FAT3: variants seen among roughly 807,000 people sequenced by gnomAD.
FAT3 encodes the protein FAT atypical cadherin 3.
FAT3 carries 95 observed loss-of-function variants against 310.2 expected under a neutral mutation model. That is an observed-to-expected ratio of 0.31 (90% CI 0.26 to 0.36). The LOEUF is 0.36. Ranked by LOEUF, FAT3 falls within the 10% of genes least tolerant of loss-of-function variation. The pLI is 1.00. For missense variants in FAT3, 5,408 were observed against 5,715.6 expected (o/e 0.95, Z 1.74); for synonymous variants, 2,314 against 2,192.9 (o/e 1.06, Z -1.54).
chr11:92,562,603 A>G (rs537804749), intron 3 of FAT3, among the ~76,000 whole-genome samples: 34 of 152,296 alleles, frequency 2.2e-4, no homozygotes, highest in South Asian at 1.2e-3. Flanking sequence ...ATGATATGCT[A>G]TCTGCAAGCT....
chr11:92,610,925 T>C (rs910228055), intron 3 of FAT3, among the ~76,000 whole-genome samples: 1 of 152,102 alleles, frequency 6.6e-6, no homozygotes, highest in Non-Finnish European at 1.5e-5. Context: ...TGAACCCATT[T>C]AGTGTTTATA....
chr11:92,303,920 AC>A (rs1386411125), intron 1 of FAT3, among the ~76,000 whole-genome samples: 2 of 152,032 alleles, frequency 1.3e-5, no homozygotes, highest in Non-Finnish European at 2.9e-5. Flanking sequence ...TAAGTGCAGA[AC>A]CTTTTTTTCG....
chr11:92,793,283 GC>G (rs1294922871), intron 9 of FAT3, among the ~76,000 whole-genome samples: 1 of 152,086 alleles, frequency 6.6e-6, no homozygotes, highest in African/African-American at 2.4e-5. Context: ...GGACCAACAA[GC>G]CAGGGCCTCA....
At chr11:92,389,891 A>G (rs1379085858) in intron 2 of FAT3, among the ~76,000 whole-genome samples, 1 of 152,104 alleles carries the variant, frequency 6.6e-6, no homozygotes, top group African/African-American at 2.4e-5. Context: ...CGTCTTATGT[A>G]TGGTCTCTGT....
At chr11:92,366,730 C>A (rs534366285) in intron 2 of FAT3, 47 of 535,828 alleles carry the variant, frequency 8.8e-5, no homozygotes, top group Non-Finnish European at 1.3e-4. Flanking sequence ...CCTCCTTGAT[C>A]TGGGGAGCTA....
Position 92,328,728 on chromosome 11 carries a change from T to C in FAT3, c.-17-23368T>C, listed in dbSNP as rs1302880359. 2.0e-5 allele frequency among the ~76,000 whole-genome samples: 3 copies of C among 152,214 alleles called. No individual in the cohort carries two copies. In the East Asian group the frequency reaches 5.8e-4, roughly 29 times the overall value. On this transcript the variant is annotated intron_variant, in intron 1 of 27. Coordinates refer to ENST00000525166, the MANE Select transcript of FAT3 (RefSeq NM_001367949.2). ...CTAAGTTAGATGTAATTCAAATCCA[T>C]GTGCCCTCAGGTTTGCAGCCATAAA...
chr11:92,791,364 C>T (rs147349243), intron 8 of FAT3, among the ~76,000 whole-genome samples: 1 of 152,276 alleles, frequency 6.6e-6, no homozygotes, highest in African/African-American at 2.4e-5. Context: ...TCAGCTTGGT[C>T]CTTGGGTATG....
At chr11:92,408,471 C>A (rs1045397539) in intron 2 of FAT3, among the ~76,000 whole-genome samples, 2 of 152,190 alleles carry the variant, frequency 1.3e-5, no homozygotes, top group Non-Finnish European at 2.9e-5. Context: ...TTAGTTCCCC[C>A]ACCTGAAGCA....
chr11:92,857,126 G>C, intron 19 of FAT3, 88 bp from the exon 20 acceptor site: 1 of 1,592,502 alleles, frequency 6.3e-7, no homozygotes, highest in Non-Finnish European at 8.6e-7. Context: ...AGCCATTTGT[G>C]TGTTCCCTTT....
At chr11:92,849,423 C>T (rs1948763022) in intron 19 of FAT3, among the ~76,000 whole-genome samples, 1 of 152,188 alleles carries the variant, frequency 6.6e-6, no homozygotes, top group Non-Finnish European at 1.5e-5. Flanking sequence ...CAGGACCTCT[C>T]TCCTTGTCAC....
rs1291272251 is a variant in FAT3 at position 92,354,669 on chromosome 11, G to A, written c.2557G>A (p.Val853Met). Residue 853 changes from valine to methionine, a missense_variant, in exon 2 of 28, where the codon GTG becomes ATG. Val to Met is a conservative substitution (Grantham distance 21). This residue lies in a region of FAT3 where 4,588 missense variants were observed against 4,809.8 expected (regional missense o/e 0.95). Transcript: ENST00000525166. ...SSGIGTEIIQ[V>M]EARDKDLGSN... ...AGGCATTGGTACTGAAATCATTCAA[G>A]TGGAAGCCAGAGACAAAGACTTAGG... is the stretch of plus-strand genomic sequence containing the variant. 11 of 1,613,824 alleles carry A rather than the reference G, an allele frequency of 6.8e-6. No homozygotes were observed. Among genetic ancestry groups the A allele is most frequent in the Non-Finnish European group, 9.3e-6 (11 of 1,179,862 alleles).
At chr11:92,362,995 G>T (rs1236638576) in intron 2 of FAT3, among the ~76,000 whole-genome samples, 2 of 152,094 alleles carry the variant, frequency 1.3e-5, no homozygotes, top group African/African-American at 4.8e-5. Flanking sequence ...TACCATAAAA[G>T]AACAACTTTT....
At chr11:92,719,926 G>A (rs547227232) in intron 4 of FAT3, among the ~76,000 whole-genome samples, 32 of 152,234 alleles carry the variant, frequency 2.1e-4, no homozygotes, top group African/African-American at 7.2e-4. Context: ...AAAAAGCAAG[G>A]AGTAATGCTG....
At chr11:92,846,454 A>C (rs542979220) in intron 19 of FAT3, among the ~76,000 whole-genome samples, 2 of 152,296 alleles carry the variant, frequency 1.3e-5, no homozygotes, top group African/African-American at 2.4e-5. Flanking sequence ...GGTCAAAGGA[A>C]AGCTGTCTGC....
At chr11:92,702,690 T>A (rs969310863) in intron 4 of FAT3, among the ~76,000 whole-genome samples, 1 of 152,216 alleles carries the variant, frequency 6.6e-6, no homozygotes, top group African/African-American at 2.4e-5. Flanking sequence ...GAAAGATACA[T>A]CTACTTAAAT....
Position 92,800,266 on chromosome 11 carries a change from C to G in FAT3, c.7253C>G (p.Ala2418Gly). 1 of 1,613,928 alleles carries G rather than the reference C, an allele frequency of 6.2e-7. No homozygotes were observed. The highest frequency in any genetic ancestry group is 8.5e-7 in the Non-Finnish European group (1 of 1,179,840). Residue 2418 changes from alanine (A) to glycine (G), a missense_variant, in exon 10 of 28, where the codon GCC becomes GGC. Physicochemically the swap from Ala to Gly is moderately conservative, Grantham distance 60. Around this residue, in one of 5 missense-constraint regions of FAT3, gnomAD observed 4,588 missense variants for 4,809.8 expected, o/e 0.95. Coordinates refer to ENST00000525166, the MANE Select transcript of FAT3 (RefSeq NM_001367949.2). ...GGCCATTTTGTAACCTGTGTACAAG[C>G]CTCTGATGCAGACAGCTCTGATTTT... is the stretch of plus-strand genomic sequence containing the variant. ...PRGHFVTCVQASDADSSDFDR... is the reference protein window; with the variant it reads ...PRGHFVTCVQGSDADSSDFDR...
At chr11:92,458,624 C>G (rs531522382) in intron 2 of FAT3, among the ~76,000 whole-genome samples, 1 of 152,182 alleles carries the variant, frequency 6.6e-6, no homozygotes, top group African/African-American at 2.4e-5. Flanking sequence ...CTGACCTGCT[C>G]AGTTTCCATG....
intron 3 of FAT3, among the ~76,000 whole-genome samples, chr11:92,549,543 C>T (rs1442899956): frequency 2.0e-5 from 3 of 152,056 alleles, no homozygotes; most frequent in Non-Finnish European, 2.9e-5. Context: ...AGACATATGA[C>T]AATGTTATGA....
rs1940874233 is a variant in FAT3, at chr11:92,617,637, G to C, written c.3608-79747G>C. On this transcript the variant is annotated intron_variant, in intron 3 of 27. Transcript: ENST00000525166. ...GTTTTATCTACCTTTGGTCTTTGATGATGGTGACGTACAGATGGGGTTTTG... is the reference window on the plus strand; with the variant it reads ...GTTTTATCTACCTTTGGTCTTTGATCATGGTGACGTACAGATGGGGTTTTG... Among the ~76,000 whole-genome samples the C allele has an allele frequency of 4.6e-5, 7 of 152,266 alleles. No individual in the cohort carries two copies. In the South Asian group the frequency reaches 1.5e-3, roughly 32 times the overall value.
Sources: allele counts gnomAD v4.1 joint callset (sites outside exome capture counted in the v4.1 genomes callset), GRCh38; gene constraint gnomAD v4.1.1; regional missense constraint gnomAD v4.1.1; transcripts MANE v1.5; gene names NCBI Gene and HGNC (gene_info 2026-07-23, HGNC 2026-07-21).